Variants in NLE1 observed in about 807,000 individuals in gnomAD.
NLE1 encodes notchless protein homolog 1.
Under a neutral mutation model 62.8 loss-of-function variants are expected in NLE1, and 37 were observed. The observed-to-expected ratio is 0.59, with a 90% CI of 0.45 to 0.78. The LOEUF is 0.78. NLE1 is among the 30% of genes least tolerant of loss of function. The pLI is 0.00. For missense variants in NLE1, 555 were observed against 637.9 expected (o/e 0.87, Z 1.40); for synonymous variants, 243 against 253.0 (o/e 0.96, Z 0.37).
At chr17:35,137,429 T>C (rs1281638742) in intron 6 of NLE1, 114 bp downstream of exon 6, 2 of 921,976 alleles carry the variant, frequency 2.2e-6, no homozygotes, top group East Asian at 5.3e-5. Flanking sequence ...GCCATCACGG[T>C]CATTCAGGCT....
chr17:35,137,931 T>A, intron 4 of NLE1, 41 bp from the exon 5 acceptor site: 1 of 1,508,062 alleles, frequency 6.6e-7, no homozygotes, highest in Middle Eastern at 1.7e-4. Context: ...ACTACATCTG[T>A]CTTTATCCCA....
intron 2 of NLE1, 47 bp downstream of exon 2, chr17:35,141,932 A>G: frequency 6.5e-7 from 1 of 1,530,220 alleles, no homozygotes; most frequent in East Asian, 2.5e-5. Context: ...CCCCCACCGC[A>G]TCCGCCCGGG....
At chr17:35,139,758 C>G in intron 3 of NLE1, 91 bp downstream of exon 3, 8 of 1,534,512 alleles carry the variant, frequency 5.2e-6, no homozygotes, top group Non-Finnish European at 7.0e-6. Context: ...GCCCTGAGGC[C>G]CCATCAATTA....
Position 35,129,686 on chromosome 17 carries a change from G to T in NLE1, c.*2751C>A, listed in dbSNP as rs199521079. 5 of 1,606,016 alleles carry T rather than the reference G, an allele frequency of 3.1e-6. No homozygotes were observed. In the South Asian group the frequency reaches 3.3e-5, roughly 11 times the overall value. ...GAGCCCTGGGAAAAGAGGGGCCTTG[G>T]GGGTGGAGAGAAGTCCAAAGCCAGG... is the stretch of plus-strand genomic sequence containing the variant. On this transcript the variant is annotated 3_prime_UTR_variant, in exon 13 of 13. Coordinates refer to ENST00000442241, the MANE Select transcript of NLE1 (RefSeq NM_018096.5).
At chr17:35,141,580 A>G (rs964557749) in intron 2 of NLE1, among the ~76,000 whole-genome samples, 6 of 152,014 alleles carry the variant, frequency 3.9e-5, no homozygotes, top group African/African-American at 1.2e-4. Flanking sequence ...AGGTAAATAA[A>G]TAAATAAATA....
intron 2 of NLE1, among the ~76,000 whole-genome samples, 155 bp from the exon 3 acceptor site, chr17:35,140,221 T>TTTAG (rs1211611694): frequency 6.6e-6 from 1 of 152,066 alleles, no homozygotes; most frequent in East Asian, 1.9e-4. Flanking sequence ...AGCAAGACCT[T>TTTAG]TTATTTATTT....
chr17:35,135,445 C>T lies in NLE1; in HGVS notation c.1018G>A (p.Gly340Ser), dbSNP rs769535214. Reference protein sequence around the residue: ...LSRYNLVRGQGPERLVSGSDD... With the variant: ...LSRYNLVRGQSPERLVSGSDD... ...GAGCCAGACACCAGCCTCTCTGGAC[C>T]CTGGCCCTAGGGGAGGCAGAAAGCA... The change falls in exon 10 of 13, where the codon GGT becomes AGT. Residue 340 changes from glycine to serine, a missense_variant. Transcript: ENST00000442241. The T allele has an allele frequency of 6.2e-7, 1 of 1,614,004 alleles. No individual in the cohort carries two copies. The highest frequency in any genetic ancestry group is 8.5e-7 in the Non-Finnish European group (1 of 1,179,958).
At chr17:35,137,489 G>T in intron 6 of NLE1, 54 bp downstream of exon 6, 1 of 1,429,822 alleles carries the variant, frequency 7.0e-7, no homozygotes, top group Non-Finnish European at 9.7e-7. Flanking sequence ...GCAGGGAAAG[G>T]GGATGGCTTT....
intron 7 of NLE1, 132 bp from the exon 8 acceptor site, chr17:35,136,629 C>T: frequency 1.7e-6 from 2 of 1,159,290 alleles, no homozygotes; most frequent in Non-Finnish European, 2.4e-6. Flanking sequence ...AACTACCCCT[C>T]TGGGGTCAAG....
At chr17:35,141,134 A>T (rs149240015) in intron 2 of NLE1, among the ~76,000 whole-genome samples, 1 of 152,344 alleles carries the variant, frequency 6.6e-6, no homozygotes, top group Non-Finnish European at 1.5e-5. Flanking sequence ...TAAAAAATGT[A>T]GACTTTCTGC....
chr17:35,129,388 T>C lies in NLE1; in HGVS notation c.*3049A>G, dbSNP rs2091862466. On this transcript the variant is annotated 3_prime_UTR_variant, in exon 13 of 13. Coordinates refer to ENST00000442241, the MANE Select transcript of NLE1 (RefSeq NM_018096.5). ...GAAGGGACAGGAAGGACAGGACATATCTGAGGAAGCCTCGGGGCTCTCTCT... is the reference window on the plus strand; with the variant it reads ...GAAGGGACAGGAAGGACAGGACATACCTGAGGAAGCCTCGGGGCTCTCTCT... 2 of 1,605,630 alleles carry C rather than the reference T, an allele frequency of 1.2e-6. No homozygotes were observed. Among genetic ancestry groups the C allele is most frequent in the Non-Finnish European group, 1.7e-6 (2 of 1,174,922 alleles).
chr17:35,140,993 T>TCAATGTC (rs2091940287), intron 2 of NLE1, among the ~76,000 whole-genome samples: 1 of 152,224 alleles, frequency 6.6e-6, no homozygotes, highest in African/African-American at 2.4e-5. Context: ...AGTAATTAGT[T>TCAATGTC]CAATGTCCTA....
Position 35,137,094 on chromosome 17 carries a change from G to A in NLE1, c.735C>T (p.His245=), listed in dbSNP as rs1362835353. The A allele has an allele frequency of 4.3e-6, 7 of 1,613,888 alleles. No individual in the cohort carries two copies. The Admixed American group carries it at 1.0e-4, about 23-fold the overall frequency. ...AGRCERILTG[H]TQSVTCLRWG... ...ACCGGAGACAGGTGACCGACTGGGTGTGCCCGGTGAGGATGCGCTCACAGC... is the reference window on the plus strand; with the variant it reads ...ACCGGAGACAGGTGACCGACTGGGTATGCCCGGTGAGGATGCGCTCACAGC... The change falls in exon 7 of 13, where the codon CAC becomes CAT. Residue 245 remains histidine, a synonymous_variant. Transcript: ENST00000442241.
In NLE1 at chr17:35,132,119, T is replaced by C. The variant is rs2091879243; in HGVS notation, c.*318A>G. On this transcript the variant is annotated 3_prime_UTR_variant, in exon 13 of 13. Transcript: ENST00000442241. ...CCTGGGATCTGACCCTGTACAGAGC[T>C]GACACTAGGGGCCCACTCATAGAGC... is the stretch of plus-strand genomic sequence containing the variant. The C allele has an allele frequency of 7.4e-6, 2 of 268,758 alleles. No homozygotes were observed. Among genetic ancestry groups the C allele is most frequent in the African/African-American group, 4.4e-5 (2 of 45,400 alleles). The allele number at this position is 268,758 out of a possible 1,614,324, so 16.6% of individuals were successfully genotyped here.
chr17:35,135,128 A>G (rs2142502913), intron 10 of NLE1, 121 bp downstream of exon 10: 1 of 895,886 alleles, frequency 1.1e-6, no homozygotes, highest in African/African-American at 1.6e-5. Flanking sequence ...ATATTACCAA[A>G]GAGGAAACAG....
At chr17:35,136,538 C>T in intron 7 of NLE1, 41 bp from the exon 8 acceptor site, 1 of 1,585,782 alleles carries the variant, frequency 6.3e-7, no homozygotes, top group Non-Finnish European at 8.6e-7. Flanking sequence ...ACACTCCTCC[C>T]CACGCCTGGG....
chr17:35,137,244 G>T (rs1323332667), intron 6 of NLE1, 51 bp from the exon 7 acceptor site: 1 of 1,501,732 alleles, frequency 6.7e-7, no homozygotes. Flanking sequence ...ACATCTGTGT[G>T]CCCATGGCAC....
Position 35,130,441 on chromosome 17 carries a change from G to C in NLE1, c.*1996C>G. ...ATACCTATTTCCCTGTTAAGGGGGA[G>C]GGCCCCAGGACACCCCTCACCTACT... is the stretch of plus-strand genomic sequence containing the variant. On this transcript the variant is annotated 3_prime_UTR_variant, in exon 13 of 13. Coordinates refer to ENST00000442241, the MANE Select transcript of NLE1 (RefSeq NM_018096.5). 6.2e-7 allele frequency: 1 copy of C among 1,612,374 alleles called. No individual in the cohort carries two copies. Among genetic ancestry groups the C allele is most frequent in the East Asian group, 2.2e-5 (1 of 44,876 alleles).
rs967379380 is a variant in NLE1, at chr17:35,130,643, C to T, written c.*1794G>A. 3.5e-6 allele frequency: 2 copies of T among 568,436 alleles called. No individual in the cohort carries two copies. The highest frequency in any genetic ancestry group is 1.9e-5 in the African/African-American group (1 of 53,258). 35.2% of individuals were successfully genotyped at this position (568,436 alleles called of 1,614,324 possible). On this transcript the variant is annotated 3_prime_UTR_variant, in exon 13 of 13. Transcript: ENST00000442241. ...ATCTCAGGCCAGGCCATGCCAGGCT[C>T]AGCCACTGCCCACAGCTGCTAGACT...
Sources: gnomAD v4.1 joint callset for allele counts (sites outside exome capture counted in the v4.1 genomes callset) on GRCh38, gnomAD v4.1.1 for gene constraint, MANE v1.5 for transcripts, NCBI Gene and HGNC (gene_info 2026-07-23, HGNC 2026-07-21) for gene names.